The following CNTNAP2 variants were observed in gnomAD, a reference collection of about 807,000 sequenced individuals.
The protein encoded by CNTNAP2 is contactin-associated protein-like 2.
Under a neutral mutation model 155.2 loss-of-function variants are expected in CNTNAP2, and 98 were observed. The observed-to-expected ratio is 0.63, with a 90% CI of 0.54 to 0.75. The LOEUF is 0.75. CNTNAP2 is among the 30% of genes least tolerant of loss of function. The pLI is 0.00. For missense variants in CNTNAP2, 1,727 were observed against 1,688.1 expected (o/e 1.02, Z -0.40); for synonymous variants, 651 against 631.2 (o/e 1.03, Z -0.47).
At chr7:147,750,000 C>T (rs61068563) in intron 13 of CNTNAP2, among the ~76,000 whole-genome samples, 1,671 of 152,104 alleles carry the variant, frequency 0.011, 95 homozygotes, top group Admixed American at 0.087. Flanking sequence ...ATTTCATTAC[C>T]CATCTCTATT....
At chr7:146,711,135 T>A (rs200114382) in intron 1 of CNTNAP2, among the ~76,000 whole-genome samples, 5 of 150,916 alleles carry the variant, frequency 3.3e-5, no homozygotes, top group Admixed American at 6.6e-5. Context: ...CACACACACA[T>A]ATATGTGTGT....
chr7:147,234,331 A>ATTT lies in CNTNAP2; in HGVS notation c.1349-65808_1349-65807insTTT, dbSNP rs1170759781. On this transcript the variant is annotated intron_variant, in intron 8 of 23. Transcript: ENST00000361727. ...GAGTTTCACCAGTTGTCCCAAGAGT[A>ATTT]TTCTTTTTTTTTTTTTTTTTTTTTG... 1.6e-4 allele frequency among the ~76,000 whole-genome samples: 13 copies of ATTT among 80,078 alleles called. 1 individual carries two copies. Among genetic ancestry groups the ATTT allele is most frequent in the African/African-American group, 1.8e-4 (3 of 16,848 alleles). 52.5% of individuals were successfully genotyped at this position (80,078 alleles called of 152,430 possible).
Position 146,757,853 on chromosome 7 carries a change from C to T in CNTNAP2, c.98-16418C>T, listed in dbSNP as rs1225380806. Among the ~76,000 whole-genome samples, 4 of 152,208 alleles carry T rather than the reference C, an allele frequency of 2.6e-5. No individual in the cohort carries two copies. The East Asian group carries it at 7.7e-4, about 29-fold the overall frequency. On this transcript the variant is annotated intron_variant, in intron 1 of 23. Coordinates refer to ENST00000361727, the MANE Select transcript of CNTNAP2 (RefSeq NM_014141.6). ...GTAAAAACAGCAACTTTTCTCATCT[C>T]TTGGTGGCTATATGAACTTCAGCAA...
chr7:146,695,446 ACT>A (rs1227148884), intron 1 of CNTNAP2, among the ~76,000 whole-genome samples: 1 of 151,042 alleles, frequency 6.6e-6, no homozygotes, highest in Non-Finnish European at 1.5e-5. Flanking sequence ...ACAGGGTCTC[ACT>A]CTGTCACCCA....
At chr7:147,658,145 T>G (rs28407127) in intron 13 of CNTNAP2, among the ~76,000 whole-genome samples, 18,740 of 140,394 alleles carry the variant, frequency 0.13, 2,712 homozygotes, top group African/African-American at 0.25. Flanking sequence ...TGGTCCCAGC[T>G]ACTTGGGAGG....
intron 2 of CNTNAP2, among the ~76,000 whole-genome samples, chr7:146,837,976 G>A (rs927826166): frequency 3.3e-5 from 5 of 152,260 alleles, no homozygotes; most frequent in Middle Eastern, 3.4e-3. Context: ...ATCTAAAAGT[G>A]CACAGCATGG....
At position 147,618,672 on chromosome 7, in the gene CNTNAP2, A is replaced by G. The variant is rs537394859; in HGVS notation, c.1898-20434A>G. Among the ~76,000 whole-genome samples the G allele has an allele frequency of 3.4e-5, 5 of 148,236 alleles. No individual in the cohort carries two copies. In the South Asian group the frequency reaches 6.3e-4, roughly 19 times the overall value. The stretch of plus-strand genomic sequence containing the variant: ...TATAATAACAGCTATTATATATATA[A>G]TAACAGCTATTATATATATATAATA... On this transcript the variant is annotated intron_variant, in intron 12 of 23. Transcript: ENST00000361727.
chr7:147,495,223 A>G (rs1371515175), intron 11 of CNTNAP2, among the ~76,000 whole-genome samples: 1 of 152,202 alleles, frequency 6.6e-6, no homozygotes, highest in African/African-American at 2.4e-5. Flanking sequence ...TTCAAGCAGG[A>G]ACGGAACTCT....
intron 8 of CNTNAP2, among the ~76,000 whole-genome samples, chr7:147,175,379 A>C (rs1802319309): frequency 6.6e-6 from 1 of 152,168 alleles, no homozygotes; most frequent in Non-Finnish European, 1.5e-5. Context: ...AGAAATCTTT[A>C]CACTTTAGCT....
chr7:147,691,144 T>G (rs1279146232), intron 13 of CNTNAP2, among the ~76,000 whole-genome samples: 2 of 152,052 alleles, frequency 1.3e-5, no homozygotes, highest in Non-Finnish European at 2.9e-5. Flanking sequence ...TTGGATTAAT[T>G]TGATTAATTA....
chr7:147,353,354 G>C (rs1283449822), intron 9 of CNTNAP2, among the ~76,000 whole-genome samples: 1 of 151,692 alleles, frequency 6.6e-6, no homozygotes, highest in African/African-American at 2.4e-5. Context: ...GTGTCCATGT[G>C]TTCTCATTGT....
intron 3 of CNTNAP2, among the ~76,000 whole-genome samples, chr7:146,970,772 T>G (rs1797773242): frequency 6.6e-6 from 1 of 152,200 alleles, no homozygotes; most frequent in African/African-American, 2.4e-5. Context: ...GTATGTTTAT[T>G]GCGGCACTAT....
intron 12 of CNTNAP2, among the ~76,000 whole-genome samples, chr7:147,572,018 A>G (rs1310466369): frequency 1.3e-5 from 2 of 152,200 alleles, no homozygotes; most frequent in African/African-American, 4.8e-5. Flanking sequence ...TGCTTCACGC[A>G]TTCAGCTATT....
chr7:148,016,414 A>G (rs1802178028), intron 15 of CNTNAP2, among the ~76,000 whole-genome samples: 1 of 152,054 alleles, frequency 6.6e-6, no homozygotes, highest in Non-Finnish European at 1.5e-5. Context: ...CTCCACTCCC[A>G]TGACACTTGG....
intron 8 of CNTNAP2, among the ~76,000 whole-genome samples, chr7:147,137,182 A>ATG (rs1801499599): frequency 6.6e-6 from 1 of 151,458 alleles, no homozygotes; most frequent in Non-Finnish European, 1.5e-5. Flanking sequence ...GTGATTTTAA[A>ATG]GAGTGTATTT....
chr7:147,992,119 G>C (rs1374836959), intron 15 of CNTNAP2, among the ~76,000 whole-genome samples: 1 of 91,310 alleles, frequency 1.1e-5, no homozygotes, highest in African/African-American at 5.5e-5. Flanking sequence ...TTTTGAGACA[G>C]AGTCTCGCTC....
chr7:147,905,809 A>G (rs1180767917), intron 14 of CNTNAP2, among the ~76,000 whole-genome samples: 1 of 152,052 alleles, frequency 6.6e-6, no homozygotes, highest in Non-Finnish European at 1.5e-5. Flanking sequence ...GCTTGAACCC[A>G]GGAGGCGGAG....
At chr7:146,259,092 G>C (rs1307462129) in intron 1 of CNTNAP2, among the ~76,000 whole-genome samples, 1 of 152,154 alleles carries the variant, frequency 6.6e-6, no homozygotes, top group Non-Finnish European at 1.5e-5. Flanking sequence ...CCTGCACGCT[G>C]TCTCTCTCCT....
chr7:146,936,669 G>C (rs905418572), intron 3 of CNTNAP2, among the ~76,000 whole-genome samples: 10 of 152,122 alleles, frequency 6.6e-5, no homozygotes, highest in Non-Finnish European at 1.2e-4. Context: ...TAGAAGTATG[G>C]GATTGTCACA....
Sources: gnomAD v4.1 joint callset for allele counts (sites outside exome capture counted in the v4.1 genomes callset) on GRCh38, gnomAD v4.1.1 for gene constraint, MANE v1.5 for transcripts, NCBI Gene and HGNC (gene_info 2026-07-23, HGNC 2026-07-21) for gene names.